Variants in FLT4 observed in about 807,000 individuals in gnomAD.
The protein encoded by FLT4 is vascular endothelial growth factor receptor 3.
A neutral mutation model predicts 163.2 loss-of-function variants in FLT4; 30 were observed. That is an observed-to-expected ratio of 0.18 (90% CI 0.14 to 0.25). The LOEUF (loss-of-function observed/expected upper bound fraction) is 0.25, where lower values mean the gene tolerates loss of function less well. Ranked by LOEUF, FLT4 falls within the 10% of genes least tolerant of loss-of-function variation. The pLI is 1.00. For missense variants in FLT4, 1,510 were observed against 1,863.8 expected (o/e 0.81, Z 3.50); for synonymous variants, 884 against 789.5 (o/e 1.12, Z -2.01).
chr5:180,630,254 T>G lies in FLT4; in HGVS notation c.484A>C (p.Ile162Leu), dbSNP rs556048251. Residue 162 changes from isoleucine (I) to leucine (L), a missense_variant, in exon 4 of 30, where the codon ATC (isoleucine) becomes CTC (leucine). Ile to Leu is a conservative substitution (Grantham distance 5). This residue lies in a region of FLT4 where 163 missense variants were observed against 281.1 expected (regional missense o/e 0.58). Transcript: ENST00000261937. This position sits in a 1 kb window ranked among gnomAD's most constrained non-coding sequence, Gnocchi z 6.3. ...DAMWVPCLVS[I>L]PGLNVTLRSQ... ...CGCAGCGTGACATTGAGGCCGGGGA[T>G]GGACACCAGACAGGGCACCCACATG... 1 of 1,612,406 alleles carries G rather than the reference T, an allele frequency of 6.2e-7. No individual in the cohort carries two copies. The highest frequency in any genetic ancestry group is 2.2e-5 in the East Asian group (1 of 44,866).
intron 1 of FLT4, 132 bp downstream of exon 1, chr5:180,649,356 C>G: frequency 1.7e-6 from 1 of 590,292 alleles, no homozygotes; most frequent in Non-Finnish European, 2.6e-6. Context: ...TCCCCTCAGG[C>G]GTCCGCGCAC....
intron 13 of FLT4, 133 bp downstream of exon 13, chr5:180,621,409 T>G (rs1763134244): frequency 2.1e-6 from 3 of 1,434,220 alleles, no homozygotes; most frequent in Non-Finnish European, 2.8e-6. Context: ...GGGCGGCGGA[T>G]AGTCAGGAGG....
chr5:180,608,627 T>C (rs1761938425), intron 29 of FLT4, among the ~76,000 whole-genome samples: 1 of 151,986 alleles, frequency 6.6e-6, no homozygotes, highest in Admixed American at 6.5e-5. Flanking sequence ...AGTTCCGGGG[T>C]TCTGGGGCTG....
chr5:180,608,321 T>C, intron 29 of FLT4: 2 of 700,836 alleles, frequency 2.9e-6, no homozygotes. Flanking sequence ...ATCATGTGAC[T>C]TGCTTCACCT....
At chr5:180,633,592 GAGGTGGCTCCCCTC>G (rs1357811636) in intron 1 of FLT4, among the ~76,000 whole-genome samples, 3 of 152,220 alleles carry the variant, frequency 2.0e-5, no homozygotes, top group African/African-American at 7.2e-5. Flanking sequence ...TCCCTGCAGT[GAGGTGGCTCCCCTC>G]AGGTGGTGAG....
intron 1 of FLT4, among the ~76,000 whole-genome samples, 170 bp from the exon 2 acceptor site, chr5:180,631,948 C>T (rs933830942): frequency 6.6e-6 from 1 of 152,012 alleles, no homozygotes; most frequent in Non-Finnish European, 1.5e-5. Context: ...CCGTGAGCAG[C>T]ACCAGCTCCC....
chr5:180,618,187 A>T (rs1762814862), intron 21 of FLT4, among the ~76,000 whole-genome samples: 1 of 70,790 alleles, frequency 1.4e-5, no homozygotes, highest in Non-Finnish European at 2.9e-5. Context: ...ATTCCAGAGC[A>T]CCCTCTCCTG....
Position 180,628,868 on chromosome 5 carries a change from G to A in FLT4, c.1103+14C>T. On this transcript the variant is annotated intron_variant, in intron 8 of 29. Transcript: ENST00000261937. ...AGGGTATCGGCGGGGTCGGTGGGGA[G>A]CCAGGGCTGTTACCACTGGAACTCG... is the stretch of plus-strand genomic sequence containing the variant. 1 of 1,562,728 alleles carries A rather than the reference G, an allele frequency of 6.4e-7. No individual in the cohort carries two copies. Among genetic ancestry groups the A allele is most frequent in the Non-Finnish European group, 8.8e-7 (1 of 1,141,904 alleles).
In FLT4 at chr5:180,611,589, AGCCCTCGCCCCCGCACTCAGCTCTC is replaced by A. The variant is rs1561696663; in HGVS notation, c.3538-135_3538-111del. The A allele has an allele frequency of 5.5e-6, 6 of 1,090,942 alleles. No individual in the cohort carries two copies. The East Asian group carries it at 1.1e-4, about 20-fold the overall frequency. 67.6% of individuals were successfully genotyped at this position (1,090,942 alleles called of 1,614,324 possible). ...GCCCTCAGCCCTCACCCCCGCCCTCAGCCCTCGCCCCCGCACTCAGCTCTCGCCCCCGCCCTCGCCCTGCCCTCAG... is the reference window on the plus strand; with the variant it reads ...GCCCTCAGCCCTCACCCCCGCCCTCAGCCCCCGCCCTCGCCCTGCCCTCAG... On this transcript the variant is annotated intron_variant, in intron 26 of 29. Coordinates refer to ENST00000261937, the MANE Select transcript of FLT4 (RefSeq NM_182925.5).
Position 180,629,745 on chromosome 5 carries a change from G to A in FLT4, c.767C>T (p.Ala256Val). 1 of 1,612,118 alleles carries A rather than the reference G, an allele frequency of 6.2e-7. No homozygotes were observed. Among genetic ancestry groups the A allele is most frequent in the Non-Finnish European group, 8.5e-7 (1 of 1,179,728 alleles). Residue 256 changes from alanine (A) to valine (V), a missense_variant, in exon 6 of 30, where the codon GCT (alanine) becomes GTT (valine). Around this residue, in one of 5 missense-constraint regions of FLT4, gnomAD observed 163 missense variants for 281.1 expected, o/e 0.58. Coordinates refer to ENST00000261937, the MANE Select transcript of FLT4 (RefSeq NM_182925.5). ...EKLVLNCTVW[A>V]EFNSGVTFDW... ...AAAGGTGACACCTGAGTTAAACTCAGCCCACACGGTGCAGTTCAGGACCAG... is the reference window on the plus strand; with the variant it reads ...AAAGGTGACACCTGAGTTAAACTCAACCCACACGGTGCAGTTCAGGACCAG...
At chr5:180,628,532 C>T (rs989660813) in intron 8 of FLT4, among the ~76,000 whole-genome samples, 10 of 152,246 alleles carry the variant, frequency 6.6e-5, no homozygotes, top group Admixed American at 5.2e-4. Flanking sequence ...GCATAGGGAA[C>T]GCTAAGCCAT....
At chr5:180,649,374 A>T in intron 1 of FLT4, 114 bp downstream of exon 1, 1 of 663,412 alleles carries the variant, frequency 1.5e-6, no homozygotes, top group Non-Finnish European at 2.2e-6. Context: ...CACCAGGGCC[A>T]CCGTGTCCCC....
At chr5:180,614,731 A>C (rs1762505117) in intron 23 of FLT4, among the ~76,000 whole-genome samples, 3 of 149,142 alleles carry the variant, frequency 2.0e-5, no homozygotes, top group Admixed American at 2.0e-4. Flanking sequence ...CAGCACCCCC[A>C]CTCCCCTCTC....
At chr5:180,609,824 T>C (rs1762031818) in intron 28 of FLT4, 81 bp downstream of exon 28, 5 of 1,564,240 alleles carry the variant, frequency 3.2e-6, no homozygotes, top group Non-Finnish European at 4.4e-6. Flanking sequence ...CCATTTGCCT[T>C]ACGAATTCCT....
At position 180,612,333 on chromosome 5, in the gene FLT4, G is replaced by C. The variant is rs1025599087; in HGVS notation, c.3537+173C>G. 5.8e-5 allele frequency: 37 copies of C among 641,904 alleles called. 2 individuals are homozygous for C. The South Asian group carries it at 6.5e-4, about 11-fold the overall frequency. The allele number at this position is 641,904 out of a possible 1,614,324, so 39.8% of individuals were successfully genotyped here. On this transcript the variant is annotated intron_variant, in intron 26 of 29. Coordinates refer to ENST00000261937, the MANE Select transcript of FLT4 (RefSeq NM_182925.5). ...CTGTGCAGCGGGTGTGTACTCAACA[G>C]AAAGATGCAAGGGTGTGGGGACGAG... is the stretch of plus-strand genomic sequence containing the variant.
chr5:180,615,343 CGCT>C (rs1762577879), intron 23 of FLT4, among the ~76,000 whole-genome samples: 3 of 147,902 alleles, frequency 2.0e-5, no homozygotes, highest in African/African-American at 7.5e-5. Flanking sequence ...CACTGGGCCC[CGCT>C]GGTCACCTCC....
intron 22 of FLT4, 84 bp downstream of exon 22, chr5:180,616,816 G>A: frequency 1.9e-6 from 2 of 1,056,502 alleles, no homozygotes; most frequent in Non-Finnish European, 3.0e-6. Flanking sequence ...AGCCATTGCA[G>A]GGTGAGGCCA....
chr5:180,649,414 C>T lies in FLT4; in HGVS notation c.58+74G>A, dbSNP rs1765639444. On this transcript the variant is annotated intron_variant, in intron 1 of 29. Transcript: ENST00000261937. ...CGTACCCGGCGGAGCGGTCTCAGCG[C>T]CCGCCCCAGGTGCGCGGTACCCCCT... The T allele has an allele frequency of 6.8e-6, 8 of 1,179,968 alleles. No individual in the cohort carries two copies. In the South Asian group the frequency reaches 9.3e-5, roughly 14 times the overall value. The allele number at this position is 1,179,968 out of a possible 1,614,324, so 73.1% of individuals were successfully genotyped here. A position where few individuals can be genotyped will look rare whatever the true frequency, so the allele number is the denominator to read the frequency against.
intron 29 of FLT4, chr5:180,608,078 C>T (rs1442403933): frequency 3.1e-5 from 22 of 700,246 alleles, no homozygotes; most frequent in East Asian, 2.1e-4. Context: ...CGCAGTCATC[C>T]GGAGGCCTAA....
Sources: gnomAD v4.1 joint callset for allele counts (sites outside exome capture counted in the v4.1 genomes callset) on GRCh38, gnomAD v4.1.1 for gene constraint, gnomAD v4.1.1 regional missense constraint, Gnocchi (gnomAD v3.1) non-coding constraint, MANE v1.5 for transcripts, NCBI Gene and HGNC (gene_info 2026-07-23, HGNC 2026-07-21) for gene names.